Variants in ASB4 observed in about 807,000 individuals in gnomAD.
The protein encoded by ASB4 is ankyrin repeat and SOCS box containing 4.
In ASB4, 35 loss-of-function variants were observed where a neutral mutation model predicts 38.6. The observed-to-expected ratio is 0.91, with a 90% CI of 0.69 to 1.20. The LOEUF (loss-of-function observed/expected upper bound fraction) is 1.20, where lower values mean the gene tolerates loss of function less well. Among genes scored for constraint, ASB4 ranks in the 50% most tolerant of loss-of-function variants. The pLI, the probability that ASB4 is intolerant of heterozygous loss-of-function variation, is 0.00. For synonymous variants in ASB4, 195 were observed against 201.3 expected, an observed-to-expected ratio of 0.97 and a Z score of 0.26; for missense variants, 557 against 527.2, an observed-to-expected ratio of 1.06 and a Z score of -0.55.
intron 2 of ASB4, among the ~76,000 whole-genome samples, chr7:95,514,739 A>G (rs2116621911): frequency 6.6e-6 from 1 of 152,330 alleles, no homozygotes; most frequent in East Asian, 1.9e-4. Context: ...CCCAGCATAG[A>G]GGGAGCCTTA....
intron 3 of ASB4, among the ~76,000 whole-genome samples, chr7:95,532,875 T>A (rs1452031417): frequency 6.6e-6 from 1 of 152,188 alleles, no homozygotes; most frequent in Non-Finnish European, 1.5e-5. Context: ...CTCATCAAGG[T>A]GAGCTTACTG....
intron 2 of ASB4, among the ~76,000 whole-genome samples, chr7:95,498,525 CT>C (rs756369625): frequency 8.5e-5 from 13 of 152,068 alleles, no homozygotes; most frequent in Non-Finnish European, 1.8e-4. Flanking sequence ...ACTTTTACTC[CT>C]TTAAAGAAAT....
upstream of ASB4, among the ~76,000 whole-genome samples, chr7:95,484,024 A>T (rs576470693): frequency 1.8e-5 from 2 of 112,290 alleles, no homozygotes; most frequent in Admixed American, 9.5e-5. Context: ...AACATTAAAA[A>T]GTAAAAAAAA....
the ASB4 span, among the ~76,000 whole-genome samples, chr7:95,546,650 C>T: frequency 1.3e-5 from 2 of 152,198 alleles, no homozygotes; most frequent in African/African-American, 4.8e-5. Context: ...AGGACTGTTA[C>T]TTCCAATTGC....
At chr7:95,525,076 A>C (rs899855365) in intron 2 of ASB4, among the ~76,000 whole-genome samples, 5 of 152,222 alleles carry the variant, frequency 3.3e-5, no homozygotes, top group Non-Finnish European at 7.3e-5. Flanking sequence ...ACAGAGACAC[A>C]GAGAAAATGC....
At chr7:95,482,417 T>G (rs774995198), upstream of ASB4, among the ~76,000 whole-genome samples, 2 of 152,212 alleles carry the variant, frequency 1.3e-5, no homozygotes, top group South Asian at 2.1e-4. Context: ...CCCTGTGGCC[T>G]TTGACCTTGA....
chr7:95,493,077 T>A (rs1790195600), intron 1 of ASB4, among the ~76,000 whole-genome samples: 1 of 152,158 alleles, frequency 6.6e-6, no homozygotes, highest in African/African-American at 2.4e-5. Context: ...TGACACTACT[T>A]AGTTCTGCCA....
intron 2 of ASB4, among the ~76,000 whole-genome samples, chr7:95,522,501 T>A (rs1790677441): frequency 6.6e-6 from 1 of 152,234 alleles, no homozygotes; most frequent in African/African-American, 2.4e-5. Flanking sequence ...TTTGTAACCA[T>A]CATAAATTTG....
chr7:95,546,123 C>A, the ASB4 span, among the ~76,000 whole-genome samples: 2 of 152,180 alleles, frequency 1.3e-5, no homozygotes, highest in African/African-American at 4.8e-5. Flanking sequence ...TTGTTTAGTA[C>A]AATGTCAGGC....
chr7:95,513,885 T>G (rs1247848876), intron 2 of ASB4, among the ~76,000 whole-genome samples: 1 of 152,224 alleles, frequency 6.6e-6, no homozygotes, highest in Non-Finnish European at 1.5e-5. Context: ...ATTGGTCATC[T>G]GTCTGTCAAT....
chr7:95,518,828 G>C (rs576239395), intron 2 of ASB4, among the ~76,000 whole-genome samples: 37 of 152,314 alleles, frequency 2.4e-4, no homozygotes, highest in African/African-American at 7.5e-4. Context: ...ATCCACAAAG[G>C]TTTTGCAGGG....
At chr7:95,531,279 C>A (rs574349833) in intron 3 of ASB4, among the ~76,000 whole-genome samples, 1 of 152,256 alleles carries the variant, frequency 6.6e-6, no homozygotes, top group African/African-American at 2.4e-5. Context: ...CTACATCTTG[C>A]TAAGGGCTGG....
chr7:95,505,100 A>G (rs1190719459), intron 2 of ASB4, among the ~76,000 whole-genome samples: 1 of 152,222 alleles, frequency 6.6e-6, no homozygotes, highest in Non-Finnish European at 1.5e-5. Context: ...CCTGTCCTGG[A>G]GGTCCTAACT....
Position 95,537,846 on chromosome 7 carries a change from G to A in ASB4, c.*87G>A. 1 of 1,163,306 alleles carries A rather than the reference G, an allele frequency of 8.6e-7. No homozygotes were observed. 72.1% of individuals were successfully genotyped at this position (1,163,306 alleles called of 1,614,324 possible). On this transcript the variant is annotated 3_prime_UTR_variant, in exon 5 of 5. Transcript: ENST00000325885. ...TTTGCCTAAATAAAATGGTACTTGG[G>A]TTGATTATAACACTTCAGGGATTTC... is the stretch of plus-strand genomic sequence containing the variant.
chr7:95,528,075 C>T lies in ASB4; in HGVS notation c.750C>T (p.Asp250=), dbSNP rs144658082. 8.1e-6 allele frequency: 13 copies of T among 1,614,214 alleles called. No individual in the cohort carries two copies. The African/African-American group carries it at 1.3e-4, about 17-fold the overall frequency. The change falls in exon 3 of 5, where the codon GAC becomes GAT. Residue 250 remains aspartate (D), a synonymous_variant. Coordinates refer to ENST00000325885, the MANE Select transcript of ASB4 (RefSeq NM_016116.3). ...AAGCCGAAGTCAATGCCCGAGATGA[C>T]GACTTTAAATCTCCCCTCCACAAGG... ...DYKAEVNARD[D]DFKSPLHKAA...
At chr7:95,487,348 T>A (rs1790107074) in intron 1 of ASB4, among the ~76,000 whole-genome samples, 1 of 152,228 alleles carries the variant, frequency 6.6e-6, no homozygotes, top group Non-Finnish European at 1.5e-5. Flanking sequence ...GTATACTATA[T>A]AATCAGATTG....
chr7:95,551,228 G>A, the ASB4 span, among the ~76,000 whole-genome samples: 6 of 152,116 alleles, frequency 3.9e-5, no homozygotes, highest in African/African-American at 9.7e-5. Context: ...ACATCCACTC[G>A]GCTTGGCCTC....
the ASB4 span, among the ~76,000 whole-genome samples, chr7:95,550,433 C>T: frequency 2.6e-5 from 4 of 152,184 alleles, no homozygotes; most frequent in Non-Finnish European, 5.9e-5. Context: ...AGCAAGGCTT[C>T]TCTCCTGTCT....
upstream of ASB4, among the ~76,000 whole-genome samples, chr7:95,483,559 G>A (rs1374169000): frequency 6.6e-6 from 1 of 152,142 alleles, no homozygotes; most frequent in Admixed American, 6.5e-5. Flanking sequence ...ACCCATAATG[G>A]GGGATCAGAT....
Sources: allele counts gnomAD v4.1 joint callset (sites outside exome capture counted in the v4.1 genomes callset), GRCh38; gene constraint gnomAD v4.1.1; transcripts MANE v1.5; gene names NCBI Gene and HGNC (gene_info 2026-07-23, HGNC 2026-07-21).